TAFA1: variants seen among roughly 807,000 people sequenced by gnomAD.
TAFA1 encodes the protein TAFA chemokine like family member 1, also known as chemokine-like protein TAFA-1.
A neutral mutation model predicts 18.5 loss-of-function variants in TAFA1; 4 were observed. The ratio of observed to expected loss-of-function variants is 0.22; its 90% CI spans 0.11 to 0.49. TAFA1 has a LOEUF of 0.49. TAFA1 is among the 20% of genes least tolerant of loss of function. The pLI is 0.98. For synonymous variants in TAFA1, 56 were observed against 55.2 expected (o/e 1.01, Z -0.06); for missense variants, 147 against 169.0 (o/e 0.87, Z 0.72).
intron 3 of TAFA1, among the ~76,000 whole-genome samples, chr3:68,449,430 G>C (rs2071531224): frequency 6.6e-6 from 1 of 152,222 alleles, no homozygotes; most frequent in South Asian, 2.1e-4. Flanking sequence ...TTTTACAGAG[G>C]ATGCGAGACC....
At chr3:68,175,537 C>G (rs1204652644) in intron 2 of TAFA1, among the ~76,000 whole-genome samples, 2 of 152,210 alleles carry the variant, frequency 1.3e-5, no homozygotes, top group African/African-American at 4.8e-5. Context: ...TTCGTCTGCC[C>G]TGCTGGACTT....
chr3:68,387,100 A>C (rs2070122014), intron 2 of TAFA1, among the ~76,000 whole-genome samples: 2 of 150,434 alleles, frequency 1.3e-5, no homozygotes, highest in Non-Finnish European at 3.0e-5. Context: ...TTTCTTAAGG[A>C]TGGAGCCCTT....
At chr3:68,170,419 T>C (rs2066038115) in intron 2 of TAFA1, among the ~76,000 whole-genome samples, 1 of 152,184 alleles carries the variant, frequency 6.6e-6, no homozygotes, top group African/African-American at 2.4e-5. Context: ...AAATAATCAA[T>C]TGCAGTTGTT....
intron 2 of TAFA1, among the ~76,000 whole-genome samples, chr3:68,327,848 A>G (rs879734716): frequency 2.0e-5 from 3 of 152,164 alleles, no homozygotes; most frequent in Non-Finnish European, 2.9e-5. Context: ...GCCTTACTTC[A>G]CTATTAGTCT....
intron 3 of TAFA1, among the ~76,000 whole-genome samples, chr3:68,521,639 G>A (rs1233272118): frequency 6.6e-6 from 1 of 152,124 alleles, no homozygotes; most frequent in Non-Finnish European, 1.5e-5. Context: ...ATACCTTAGA[G>A]ACAGTTATTT....
chr3:68,212,086 G>A lies in TAFA1; in HGVS notation c.119-205194G>A, dbSNP rs77832885. On this transcript the variant is annotated intron_variant, in intron 2 of 4. Transcript: ENST00000478136. ...GGTAAGTGGAGGTTACCTAGGATAG[G>A]GTAGCCACAGTGGGCTTTCCTGAAG... 5.8e-3 allele frequency among the ~76,000 whole-genome samples: 881 copies of A among 152,064 alleles called. 31 individuals are homozygous for A. The East Asian group carries it at 0.087, about 15-fold the overall frequency.
At chr3:68,046,521 T>C (rs1312395374) in intron 2 of TAFA1, among the ~76,000 whole-genome samples, 1 of 152,204 alleles carries the variant, frequency 6.6e-6, no homozygotes, top group Non-Finnish European at 1.5e-5. Flanking sequence ...TAGAAATAAA[T>C]CAGCAAAATT....
intron 3 of TAFA1, among the ~76,000 whole-genome samples, chr3:68,419,883 T>C (rs17047668): frequency 0.081 from 12,336 of 152,212 alleles, 1,036 homozygotes; most frequent in African/African-American, 0.2. Context: ...GTGGAATTCG[T>C]AAATTCTTCA....
intron 3 of TAFA1, among the ~76,000 whole-genome samples, chr3:68,522,971 G>T (rs1198168658): frequency 6.6e-6 from 1 of 152,236 alleles, no homozygotes; most frequent in African/African-American, 2.4e-5. Context: ...AGCTACTCAG[G>T]AGGCTGAGGC....
At chr3:68,523,396 A>G (rs2073057550) in intron 3 of TAFA1, among the ~76,000 whole-genome samples, 1 of 152,234 alleles carries the variant, frequency 6.6e-6, no homozygotes, top group Non-Finnish European at 1.5e-5. Flanking sequence ...GTTTAAGCAC[A>G]TAAGCTGCCA....
chr3:68,342,462 A>G (rs1228386844), intron 2 of TAFA1, among the ~76,000 whole-genome samples: 1 of 152,208 alleles, frequency 6.6e-6, no homozygotes, highest in Non-Finnish European at 1.5e-5. Flanking sequence ...CTTAAACATT[A>G]AGTACCATTC....
chr3:68,025,300 A>G (rs1420992122), intron 2 of TAFA1, among the ~76,000 whole-genome samples: 1 of 151,950 alleles, frequency 6.6e-6, no homozygotes, highest in East Asian at 1.9e-4. Context: ...TCAGACTCCA[A>G]CCACTTCCCA....
At chr3:68,266,063 A>G (rs2067538961) in intron 2 of TAFA1, among the ~76,000 whole-genome samples, 1 of 152,178 alleles carries the variant, frequency 6.6e-6, no homozygotes, top group Non-Finnish European at 1.5e-5. Context: ...AGGCTGCTGC[A>G]TGTCAGGACA....
intron 2 of TAFA1, among the ~76,000 whole-genome samples, chr3:68,088,197 C>T (rs536613061): frequency 1.2e-4 from 19 of 152,256 alleles, no homozygotes; most frequent in African/African-American, 3.6e-4. Context: ...TATGTACTCA[C>T]AAAGCATCCA....
intron 3 of TAFA1, among the ~76,000 whole-genome samples, chr3:68,501,391 C>T (rs972311173): frequency 7.9e-5 from 12 of 151,612 alleles, no homozygotes; most frequent in African/African-American, 2.2e-4. Context: ...AAAAAAGCCA[C>T]GGAATATGCA....
At chr3:68,368,511 A>G (rs866463213) in intron 2 of TAFA1, among the ~76,000 whole-genome samples, 3 of 152,000 alleles carry the variant, frequency 2.0e-5, no homozygotes, top group Non-Finnish European at 2.9e-5. Flanking sequence ...AAGAAATCCC[A>G]TTACACAGAA....
At chr3:68,341,204 T>G (rs262207) in intron 2 of TAFA1, among the ~76,000 whole-genome samples, 70,211 of 151,860 alleles carry the variant, frequency 0.46, 16,732 homozygotes, top group East Asian at 0.73. Context: ...AGCATTCCAG[T>G]ATTGGAGTTT....
At chr3:68,468,573 C>T (rs546316104) in intron 3 of TAFA1, among the ~76,000 whole-genome samples, 18 of 152,146 alleles carry the variant, frequency 1.2e-4, no homozygotes, top group Non-Finnish European at 1.5e-5. Context: ...GAGATGAAAC[C>T]CAAATCGGTC....
intron 2 of TAFA1, among the ~76,000 whole-genome samples, chr3:68,409,203 A>T (rs1384012378): frequency 2.0e-5 from 3 of 151,390 alleles, no homozygotes; most frequent in Non-Finnish European, 4.4e-5. Context: ...TCCAATTTAC[A>T]CTCCCCCCTT....
Sources: allele counts gnomAD v4.1 joint callset (sites outside exome capture counted in the v4.1 genomes callset), GRCh38; gene constraint gnomAD v4.1.1; transcripts MANE v1.5; gene names NCBI Gene and HGNC (gene_info 2026-07-23, HGNC 2026-07-21).